The following OSBPL1A variants were observed in gnomAD, a reference collection of about 807,000 sequenced individuals.
OSBPL1A encodes oxysterol binding protein like 1A.
In OSBPL1A, 80 loss-of-function variants were observed where a neutral mutation model predicts 137.1. That is an observed-to-expected ratio of 0.58 (90% CI 0.49 to 0.70). OSBPL1A has a LOEUF of 0.70. OSBPL1A is among the 30% of genes least tolerant of loss of function. OSBPL1A has a pLI of 0.00. For missense variants in OSBPL1A, 970 were observed against 1,129.4 expected, an observed-to-expected ratio of 0.86 and a Z score of 2.02; for synonymous variants, 365 against 389.7, an observed-to-expected ratio of 0.94 and a Z score of 0.75.
chr18:24,342,908 G>A (rs2091294525), intron 4 of OSBPL1A, among the ~76,000 whole-genome samples: 1 of 151,500 alleles, frequency 6.6e-6, no homozygotes, highest in South Asian at 2.1e-4. Context: ...CAGGAAAATG[G>A]TTTTTTAAAA....
chr18:24,300,302 C>T (rs2090373669), intron 14 of OSBPL1A, among the ~76,000 whole-genome samples: 1 of 152,182 alleles, frequency 6.6e-6, no homozygotes, highest in Non-Finnish European at 1.5e-5. Context: ...GAGAGAATAA[C>T]TGAAAATAAC....
rs1199489045 is a variant in OSBPL1A at position 24,366,969 on chromosome 18, A to G, written c.208-3T>C. On this transcript the variant is annotated splice_polypyrimidine_tract_variant and splice_region_variant and intron_variant, in intron 3 of 27. Coordinates refer to ENST00000319481, the MANE Select transcript of OSBPL1A (RefSeq NM_080597.4). ...AACACATTCACTTCTGCACCAGCCT[A>G]GTAAACATGACCACTTTAAATACCA... The G allele has an allele frequency of 2.3e-5, 37 of 1,605,538 alleles. No individual in the cohort carries two copies. The highest frequency in any genetic ancestry group is 3.0e-5 in the Non-Finnish European group (35 of 1,176,006).
chr18:24,308,117 C>CT (rs55806542), intron 13 of OSBPL1A, among the ~76,000 whole-genome samples: 8,746 of 130,494 alleles, frequency 0.067, 314 homozygotes, highest in Middle Eastern at 0.13. Context: ...CTGCTCATTA[C>CT]TTTTTTTTTT....
chr18:24,184,627 A>G (rs541105732), intron 18 of OSBPL1A, among the ~76,000 whole-genome samples: 1 of 152,308 alleles, frequency 6.6e-6, no homozygotes, highest in African/African-American at 2.4e-5. Context: ...ACCTACTGTT[A>G]TAGTATGGGT....
chr18:24,257,174 T>C (rs917185425), intron 15 of OSBPL1A, among the ~76,000 whole-genome samples: 9 of 152,116 alleles, frequency 5.9e-5, no homozygotes, highest in African/African-American at 2.2e-4. Context: ...TAGCCAAAAG[T>C]ATCCTGAGCA....
At chr18:24,396,546 A>G (rs944881733) in intron 1 of OSBPL1A, among the ~76,000 whole-genome samples, 2 of 152,186 alleles carry the variant, frequency 1.3e-5, no homozygotes, top group Non-Finnish European at 2.9e-5. Context: ...TTAAGAAAGG[A>G]ATGTTACTGA....
chr18:24,250,182 G>GTTTTTTTT (rs775626283), intron 15 of OSBPL1A, among the ~76,000 whole-genome samples: 1 of 142,054 alleles, frequency 7.0e-6, no homozygotes, highest in South Asian at 2.2e-4. Flanking sequence ...TTGTTTGTTT[G>GTTTTTTTT]TTTGTTTTTT....
At chr18:24,232,397 G>C (rs1022030225) in intron 16 of OSBPL1A, among the ~76,000 whole-genome samples, 2 of 152,156 alleles carry the variant, frequency 1.3e-5, no homozygotes, top group African/African-American at 4.8e-5. Flanking sequence ...GATGTCCAAG[G>C]TCAAAATTAG....
At chr18:24,170,934 CACTGT>C (rs72196202) in intron 23 of OSBPL1A, among the ~76,000 whole-genome samples, 69,825 of 151,452 alleles carry the variant, frequency 0.46, 19,196 homozygotes, top group Non-Finnish European at 0.63. Context: ...AGGCGTGAGC[CACTGT>C]GCTCAACCAA....
chr18:24,361,458 ATTAAGTGAGGAC>A (rs1167013690), intron 4 of OSBPL1A, among the ~76,000 whole-genome samples: 1 of 152,248 alleles, frequency 6.6e-6, no homozygotes, highest in Admixed American at 6.5e-5. Context: ...TATCATTGAC[ATTAAGTGAGGAC>A]TTACTGTATA....
rs185572086 is a variant in OSBPL1A, at chr18:24,385,106, C to A, written c.-2-7571G>T. Reference sequence around the variant, plus strand: ...AGTAGCTGGGACTACAGGCGCCCGCCACCACACCCGGCTAATTTTTTGTAT... The same window carrying A: ...AGTAGCTGGGACTACAGGCGCCCGCAACCACACCCGGCTAATTTTTTGTAT... On this transcript the variant is annotated intron_variant, in intron 1 of 27. Transcript: ENST00000319481. 8.5e-3 allele frequency among the ~76,000 whole-genome samples: 1,298 copies of A among 151,922 alleles called. 15 individuals carry two copies. The highest frequency in any genetic ancestry group is 0.03 in the African/African-American group (1,224 of 41,474).
intron 17 of OSBPL1A, among the ~76,000 whole-genome samples, chr18:24,209,825 T>C (rs1016661454): frequency 6.6e-6 from 1 of 152,094 alleles, no homozygotes; most frequent in African/African-American, 2.4e-5. Context: ...ATAAGACTAA[T>C]CCATAGTGGC....
intron 11 of OSBPL1A, among the ~76,000 whole-genome samples, chr18:24,315,330 G>A (rs1185526104): frequency 6.6e-6 from 1 of 151,930 alleles, no homozygotes. Flanking sequence ...ACAGAGAGAT[G>A]GTCCCCAGAT....
intron 15 of OSBPL1A, among the ~76,000 whole-genome samples, chr18:24,269,254 G>A (rs2089657575): frequency 6.6e-6 from 1 of 152,116 alleles, no homozygotes; most frequent in Non-Finnish European, 1.5e-5. Flanking sequence ...GACTCTAACT[G>A]CCCAAGATAA....
chr18:24,170,302 C>A, intron 24 of OSBPL1A, 25 bp downstream of exon 24: 1 of 1,613,258 alleles, frequency 6.2e-7, no homozygotes, highest in Non-Finnish European at 8.5e-7. Flanking sequence ...GTTATTCCTT[C>A]GATACCACCT....
At chr18:24,380,884 G>A (rs1182122865) in intron 1 of OSBPL1A, among the ~76,000 whole-genome samples, 6 of 151,614 alleles carry the variant, frequency 4.0e-5, no homozygotes, top group South Asian at 4.2e-4. Context: ...CCCAGGAGGC[G>A]GAGGTTGCAG....
intron 17 of OSBPL1A, among the ~76,000 whole-genome samples, chr18:24,222,168 G>GATTTGCTAATGTATGTATTGATC (rs148213395): frequency 0.037 from 5,691 of 152,070 alleles, 338 homozygotes; most frequent in African/African-American, 0.13. Flanking sequence ...TTCTATTTGT[G>GATTTGCTAATGTATGTATTGATC]ATTTGCTAAT....
chr18:24,323,570 C>CT (rs2090912434), intron 7 of OSBPL1A, among the ~76,000 whole-genome samples: 1 of 28,188 alleles, frequency 3.5e-5, no homozygotes, highest in Non-Finnish European at 5.9e-5. Flanking sequence ...TTATTATACT[C>CT]TAAGTTTTAG....
At chr18:24,181,408 T>C in intron 18 of OSBPL1A, 129 bp from the exon 19 acceptor site, 1 of 1,005,310 alleles carries the variant, frequency 9.9e-7, no homozygotes. Flanking sequence ...TTCATCAATA[T>C]TGGTTCAATT....
Sources: gnomAD v4.1 joint callset for allele counts (sites outside exome capture counted in the v4.1 genomes callset) on GRCh38, gnomAD v4.1.1 for gene constraint, MANE v1.5 for transcripts, NCBI Gene and HGNC (gene_info 2026-07-23, HGNC 2026-07-21) for gene names.